The following HERC3 variants were observed in gnomAD, a reference collection of about 807,000 sequenced individuals.
HERC3 encodes HECT and RLD domain containing E3 ubiquitin protein ligase 3, also known as probable E3 ubiquitin-protein ligase HERC3.
A neutral mutation model predicts 129.9 loss-of-function variants in HERC3; 58 were observed. The observed-to-expected ratio is 0.45, with a 90% CI of 0.36 to 0.56. The LOEUF (loss-of-function observed/expected upper bound fraction) is 0.56. Ranked by LOEUF, HERC3 falls within the 20% of genes least tolerant of loss-of-function variation. The probability of loss-of-function intolerance (pLI) is 0.00; values close to 1 mark genes in which losing one functional copy is unlikely to be tolerated. For missense variants in HERC3, 835 were observed against 1,244.2 expected (o/e 0.67, Z 4.95); for synonymous variants, 430 against 451.0 (o/e 0.95, Z 0.59).
chr4:88,664,361 C>T (rs1245159944), intron 12 of HERC3, 149 bp downstream of exon 12: 17 of 627,298 alleles, frequency 2.7e-5, no homozygotes, highest in Middle Eastern at 3.0e-4. Context: ...GAATTCCAGC[C>T]TGGACAACAT....
chr4:88,598,083 T>C (rs1430871309), intron 2 of HERC3: 3 of 152,226 alleles, frequency 2.0e-5, no homozygotes, highest in African/African-American at 7.2e-5. Flanking sequence ...ATATACAACA[T>C]TCAGGTAATT....
the HERC3 span, among the ~76,000 whole-genome samples, chr4:88,553,752 G>T: frequency 6.6e-6 from 1 of 152,094 alleles, no homozygotes; most frequent in African/African-American, 2.4e-5. Context: ...TGGCCAGAAT[G>T]GTCTTGATCT....
chr4:88,621,808 T>G (rs1033810850), intron 3 of HERC3, among the ~76,000 whole-genome samples: 3 of 152,208 alleles, frequency 2.0e-5, no homozygotes, highest in Admixed American at 6.5e-5. Flanking sequence ...GTTAATTCCC[T>G]TACCTAAATA....
At chr4:88,560,113 C>G in the HERC3 span, among the ~76,000 whole-genome samples, 3 of 152,176 alleles carry the variant, frequency 2.0e-5, no homozygotes, top group Admixed American at 6.5e-5. Context: ...GCGCACACCA[C>G]CAAGCCTGGC....
At chr4:88,689,105 A>T (rs1397068930) in intron 23 of HERC3, among the ~76,000 whole-genome samples, 1 of 152,200 alleles carries the variant, frequency 6.6e-6, no homozygotes, top group Non-Finnish European at 1.5e-5. Flanking sequence ...CTGGACTTTT[A>T]TTGGCTTCTT....
intron 21 of HERC3, chr4:88,684,993 A>G (rs968134231): frequency 2.0e-5 from 3 of 152,312 alleles, no homozygotes; most frequent in African/African-American, 7.2e-5. Context: ...CGTATGAAAA[A>G]AGCTCATCAT....
At chr4:88,701,846 G>A (rs1163060394) in intron 23 of HERC3, among the ~76,000 whole-genome samples, 3 of 146,764 alleles carry the variant, frequency 2.0e-5, no homozygotes, top group Admixed American at 2.0e-4. Context: ...TTTGTCACCC[G>A]GGCTGAAGTA....
chr4:88,654,924 C>T (rs116780941), intron 7 of HERC3, among the ~76,000 whole-genome samples: 2,185 of 152,180 alleles, frequency 0.014, 56 homozygotes, highest in African/African-American at 0.05. Context: ...TACTTTCAAA[C>T]GATTTTAAAA....
intron 20 of HERC3, 27 bp from the exon 21 acceptor site, chr4:88,681,132 T>G: frequency 6.4e-7 from 1 of 1,561,348 alleles, no homozygotes; most frequent in Non-Finnish European, 8.7e-7. Context: ...CATTTCTTTT[T>G]AACACATTTG....
intron 23 of HERC3, chr4:88,697,916 C>CT: frequency 2.2e-6 from 2 of 920,278 alleles, no homozygotes; most frequent in Non-Finnish European, 3.2e-6. Context: ...ACTTGACTGG[C>CT]TTCCCACTAT....
At chr4:88,546,192 T>C in the HERC3 span, among the ~76,000 whole-genome samples, 1 of 152,196 alleles carries the variant, frequency 6.6e-6, no homozygotes, top group Non-Finnish European at 1.5e-5. Flanking sequence ...CACAGAATGA[T>C]TGGGGTCTCT....
At chr4:88,673,367 A>G (rs1731815286) in intron 16 of HERC3, among the ~76,000 whole-genome samples, 1 of 152,026 alleles carries the variant, frequency 6.6e-6, no homozygotes. Flanking sequence ...CACATTTAGG[A>G]GATGTTGACT....
the HERC3 span, among the ~76,000 whole-genome samples, chr4:88,525,991 CTACT>C: frequency 6.6e-6 from 1 of 152,162 alleles, no homozygotes; most frequent in South Asian, 2.1e-4. Context: ...CTTGGAGAAG[CTACT>C]TAAGTTCTCA....
At chr4:88,630,461 G>C (rs1225750347) in intron 3 of HERC3, among the ~76,000 whole-genome samples, 1 of 151,928 alleles carries the variant, frequency 6.6e-6, no homozygotes, top group Non-Finnish European at 1.5e-5. Context: ...AATGTTATAC[G>C]CTTGCATTAA....
the HERC3 span, among the ~76,000 whole-genome samples, chr4:88,551,158 G>T: frequency 3.9e-5 from 6 of 151,936 alleles, no homozygotes; most frequent in African/African-American, 1.5e-4. Flanking sequence ...AGACTTAAAC[G>T]TTAGACCTAA....
At chr4:88,645,495 A>G (rs1364752401) in intron 3 of HERC3, among the ~76,000 whole-genome samples, 2 of 152,170 alleles carry the variant, frequency 1.3e-5, no homozygotes, top group African/African-American at 2.4e-5. Context: ...CTAATTTTGT[A>G]TATACTGTAT....
At chr4:88,538,962 C>T in the HERC3 span, among the ~76,000 whole-genome samples, 1 of 152,160 alleles carries the variant, frequency 6.6e-6, no homozygotes, top group African/African-American at 2.4e-5. Context: ...TCCAAGATGG[C>T]CAAATAGGAA....
At chr4:88,598,616 C>T (rs1722654379) in intron 2 of HERC3, among the ~76,000 whole-genome samples, 1 of 152,236 alleles carries the variant, frequency 6.6e-6, no homozygotes, top group Admixed American at 6.5e-5. Flanking sequence ...CTTACTACTA[C>T]ATGCCAGGCA....
intron 2 of HERC3, among the ~76,000 whole-genome samples, chr4:88,604,039 A>G (rs1426480264): frequency 6.8e-6 from 1 of 147,846 alleles, no homozygotes; most frequent in African/African-American, 2.5e-5. Context: ...TTTTTTTTTG[A>G]TACTGAATTT....
Sources: allele counts gnomAD v4.1 joint callset (sites outside exome capture counted in the v4.1 genomes callset), GRCh38; gene constraint gnomAD v4.1.1; transcripts MANE v1.5; gene names NCBI Gene and HGNC (gene_info 2026-07-23, HGNC 2026-07-21).